COL24A1: variants seen among roughly 807,000 people sequenced by gnomAD.
COL24A1 encodes collagen alpha-1(XXIV) chain.
In COL24A1, 224 loss-of-function variants were observed where a neutral mutation model predicts 253.9. That is an observed-to-expected ratio of 0.88 (90% CI 0.79 to 0.99). COL24A1 has a LOEUF of 0.99. Ranked by LOEUF, COL24A1 falls within the 50% of genes least tolerant of loss-of-function variation. The pLI is 0.00. For synonymous variants in COL24A1, 685 were observed against 673.7 expected, an observed-to-expected ratio of 1.02 and a Z score of -0.26; for missense variants, 2,131 against 2,068.5, an observed-to-expected ratio of 1.03 and a Z score of -0.59.
intron 52 of COL24A1, among the ~76,000 whole-genome samples, chr1:85,780,360 T>C (rs1352600093): frequency 6.6e-6 from 1 of 152,066 alleles, no homozygotes; most frequent in Admixed American, 6.6e-5. Context: ...CTTTCCTCTC[T>C]AAGTCTCAAT....
chr1:85,811,930 C>A (rs1043198848), intron 47 of COL24A1, among the ~76,000 whole-genome samples: 7 of 152,174 alleles, frequency 4.6e-5, no homozygotes, highest in African/African-American at 7.2e-5. Flanking sequence ...GGTAGAGATG[C>A]CATATGAGCC....
In COL24A1 at chr1:86,006,523, C is replaced by CAAA. The variant is rs1479513754; in HGVS notation, c.2310+10627_2310+10628insTTT. On this transcript the variant is annotated intron_variant, in intron 19 of 59. Coordinates refer to ENST00000370571, the MANE Select transcript of COL24A1 (RefSeq NM_152890.7). ...TCACAAAAATTAACTCAAAATAGAT[C>CAAA]ACAGACCTAATGTAAAATGCAATAT... Among the ~76,000 whole-genome samples, 4 of 152,238 alleles carry CAAA rather than the reference C, an allele frequency of 2.6e-5. No individual in the cohort carries two copies. In the East Asian group the frequency reaches 7.7e-4, roughly 29 times the overall value.
chr1:85,738,922 C>A (rs1449132383), intron 57 of COL24A1, among the ~76,000 whole-genome samples: 1 of 152,146 alleles, frequency 6.6e-6, no homozygotes, highest in Non-Finnish European at 1.5e-5. Flanking sequence ...CATAGCTGGG[C>A]CCTACCCTTG....
At chr1:85,846,536 C>T (rs1677160545) in intron 39 of COL24A1, among the ~76,000 whole-genome samples, 1 of 151,410 alleles carries the variant, frequency 6.6e-6, no homozygotes, top group African/African-American at 2.4e-5. Flanking sequence ...GGAGTGATTG[C>T]AAATCAATAA....
At chr1:85,977,256 G>A (rs1692779636) in intron 20 of COL24A1, among the ~76,000 whole-genome samples, 2 of 152,250 alleles carry the variant, frequency 1.3e-5, no homozygotes, top group East Asian at 1.9e-4. Flanking sequence ...CACTGAAACA[G>A]TCTATCCAAA....
chr1:85,759,543 G>A (rs192994828), intron 55 of COL24A1, among the ~76,000 whole-genome samples: 10 of 152,168 alleles, frequency 6.6e-5, no homozygotes, highest in African/African-American at 2.4e-4. Flanking sequence ...CAGGAAAACA[G>A]CATTATATAT....
intron 43 of COL24A1, among the ~76,000 whole-genome samples, chr1:85,830,717 A>T (rs899874667): frequency 6.6e-6 from 1 of 152,128 alleles, no homozygotes; most frequent in African/African-American, 2.4e-5. Flanking sequence ...TTCTTTGACT[A>T]GGAAAGGGAA....
At chr1:86,063,410 C>G (rs945424140) in intron 8 of COL24A1, among the ~76,000 whole-genome samples, 1 of 150,322 alleles carries the variant, frequency 6.7e-6, no homozygotes, top group Admixed American at 6.6e-5. Flanking sequence ...TGTATATTTT[C>G]TGGGAAAGGA....
chr1:86,121,949 G>A (rs1369551706), intron 3 of COL24A1, among the ~76,000 whole-genome samples: 1 of 151,992 alleles, frequency 6.6e-6, no homozygotes, highest in African/African-American at 2.4e-5. Flanking sequence ...ATATAGGCAG[G>A]AAAAAATTGT....
intron 35 of COL24A1, among the ~76,000 whole-genome samples, chr1:85,873,702 GAT>G (rs1243102560): frequency 2.0e-5 from 3 of 152,110 alleles, no homozygotes; most frequent in African/African-American, 7.2e-5. Context: ...AGGGGGAAGG[GAT>G]AGCATTAGGA....
intron 45 of COL24A1, among the ~76,000 whole-genome samples, chr1:85,822,084 A>G (rs1673686303): frequency 6.6e-6 from 1 of 152,210 alleles, no homozygotes; most frequent in African/African-American, 2.4e-5. Context: ...TGAATGACTT[A>G]ACTATCTTCT....
At chr1:85,790,861 A>G (rs1195482900) in intron 47 of COL24A1, among the ~76,000 whole-genome samples, 1 of 152,114 alleles carries the variant, frequency 6.6e-6, no homozygotes, top group Non-Finnish European at 1.5e-5. Flanking sequence ...CACATAATAT[A>G]ATATTTCTAC....
At chr1:85,915,620 T>C (rs1685819125) in intron 24 of COL24A1, among the ~76,000 whole-genome samples, 1 of 152,166 alleles carries the variant, frequency 6.6e-6, no homozygotes, top group Non-Finnish European at 1.5e-5. Flanking sequence ...TAACAGAAAC[T>C]GAACACAGAC....
At chr1:86,108,103 T>C (rs963104872) in intron 5 of COL24A1, among the ~76,000 whole-genome samples, 1 of 152,204 alleles carries the variant, frequency 6.6e-6, no homozygotes. Flanking sequence ...TTACATTTTC[T>C]TCTCTCCTAG....
Position 86,125,193 on chromosome 1 carries a change from A to G in COL24A1, c.1143T>C (p.Asp381=). The part of the protein sequence containing the change: ...LNMSDNITQH[D]DRVTGLSLFK... ...ACAGTGACAGACCAGTTACTCTATCATCATGTTGTGTGATATTGTCAGACA... is the reference window on the plus strand; with the variant it reads ...ACAGTGACAGACCAGTTACTCTATCGTCATGTTGTGTGATATTGTCAGACA... Residue 381 remains aspartate (D), a synonymous_variant, in exon 3 of 60, where the codon GAT becomes GAC. Transcript: ENST00000370571. 6.2e-7 allele frequency: 1 copy of G among 1,613,584 alleles called. No individual in the cohort carries two copies. The highest frequency in any genetic ancestry group is 1.1e-5 in the South Asian group (1 of 91,068).
intron 16 of COL24A1, 119 bp downstream of exon 16, chr1:86,022,714 T>C (rs1697662948): frequency 8.0e-7 from 1 of 1,256,224 alleles, no homozygotes; most frequent in East Asian, 2.6e-5. Flanking sequence ...GGAAAACTAA[T>C]ATAATTGATA....
intron 24 of COL24A1, among the ~76,000 whole-genome samples, chr1:85,913,241 G>C (rs1222846084): frequency 6.6e-6 from 1 of 152,146 alleles, no homozygotes; most frequent in Admixed American, 6.5e-5. Context: ...TGAGACAGCT[G>C]GTTTGATAAA....
At chr1:86,033,117 A>G (rs1233305501) in intron 13 of COL24A1, among the ~76,000 whole-genome samples, 1 of 152,132 alleles carries the variant, frequency 6.6e-6, no homozygotes, top group Non-Finnish European at 1.5e-5. Context: ...TCACTGAATG[A>G]GCTAATATAG....
chr1:85,789,672 A>G (rs113287883), intron 47 of COL24A1, among the ~76,000 whole-genome samples: 77 of 152,210 alleles, frequency 5.1e-4, no homozygotes, highest in Admixed American at 5.2e-4. Context: ...ATTCAGTATG[A>G]TATCAGCTGT....
Sources: allele counts gnomAD v4.1 joint callset (sites outside exome capture counted in the v4.1 genomes callset), GRCh38; gene constraint gnomAD v4.1.1; transcripts MANE v1.5; gene names NCBI Gene and HGNC (gene_info 2026-07-23, HGNC 2026-07-21).